CERS6: variants seen among roughly 807,000 people sequenced by gnomAD.
The protein encoded by CERS6 is LAG1 homolog, ceramide synthase 6.
CERS6 carries 26 observed loss-of-function variants against 56.8 expected under a neutral mutation model. The observed-to-expected ratio is 0.46, with a 90% confidence interval of 0.34 to 0.63. CERS6 has a LOEUF of 0.63. Ranked by LOEUF, CERS6 falls within the 30% of genes least tolerant of loss-of-function variation. The pLI, the probability that CERS6 is intolerant of heterozygous loss-of-function variation, is 0.01. For synonymous variants in CERS6, 164 were observed against 173.3 expected (o/e 0.95, Z 0.42); for missense variants, 415 against 467.5 (o/e 0.89, Z 1.04).
intron 1 of CERS6, among the ~76,000 whole-genome samples, chr2:168,491,632 C>CT (rs1403439106): frequency 3.3e-5 from 5 of 151,866 alleles, no homozygotes; most frequent in Non-Finnish European, 5.9e-5. Flanking sequence ...TCTAGCTTCT[C>CT]TTTTTTTTAA....
intron 1 of CERS6, among the ~76,000 whole-genome samples, chr2:168,477,534 T>C (rs1694101666): frequency 6.6e-6 from 1 of 152,244 alleles, no homozygotes; most frequent in African/African-American, 2.4e-5. Context: ...CATATATTTA[T>C]CATAATTTAA....
At chr2:168,648,082 G>C (rs543264448) in intron 4 of CERS6, among the ~76,000 whole-genome samples, 3 of 152,196 alleles carry the variant, frequency 2.0e-5, no homozygotes, top group South Asian at 4.2e-4. Flanking sequence ...AGTTTCTGTA[G>C]GAACGGTACC....
At chr2:168,464,581 G>A (rs1253934435) in intron 1 of CERS6, among the ~76,000 whole-genome samples, 2 of 151,826 alleles carry the variant, frequency 1.3e-5, no homozygotes, top group Non-Finnish European at 2.9e-5. Flanking sequence ...GGATGATGAA[G>A]TAACTGATAT....
intron 1 of CERS6, among the ~76,000 whole-genome samples, chr2:168,459,508 TG>T (rs1558957315): frequency 6.6e-6 from 1 of 152,258 alleles, no homozygotes; most frequent in Non-Finnish European, 1.5e-5. Context: ...CAATGACTTT[TG>T]GCTGAGTCTG....
chr2:168,698,116 C>T (rs1011059196), intron 6 of CERS6, among the ~76,000 whole-genome samples: 4 of 151,616 alleles, frequency 2.6e-5, no homozygotes, highest in Non-Finnish European at 5.9e-5. Context: ...AGCAACATGA[C>T]GAAACCCTGT....
intron 3 of CERS6, among the ~76,000 whole-genome samples, chr2:168,582,584 A>C (rs1407798085): frequency 3.3e-5 from 5 of 152,210 alleles, no homozygotes; most frequent in East Asian, 1.9e-4. Context: ...TGAAAAAAAA[A>C]CGCGTGCTAT....
In CERS6 at chr2:168,625,939, C is replaced by G. The variant is rs546092161; in HGVS notation, c.408-5046C>G. On this transcript the variant is annotated intron_variant, in intron 3 of 9. Transcript: ENST00000305747. ...TCAATTATGCAGCATCCACTAATAT[C>G]CACCAGGTTAGAAACATCATTTTAG... 2.6e-5 allele frequency among the ~76,000 whole-genome samples: 4 copies of G among 152,142 alleles called. No homozygotes were observed. In the South Asian group the frequency reaches 8.3e-4, roughly 32 times the overall value.
chr2:168,537,398 C>T (rs1158438167), intron 1 of CERS6, among the ~76,000 whole-genome samples: 1 of 152,182 alleles, frequency 6.6e-6, no homozygotes. Flanking sequence ...ATGACCATAT[C>T]ACAAATATTT....
intron 4 of CERS6, among the ~76,000 whole-genome samples, chr2:168,670,678 G>T (rs919845622): frequency 6.6e-6 from 1 of 152,068 alleles, no homozygotes; most frequent in African/African-American, 2.4e-5. Context: ...TTGCTCAAAG[G>T]TCACTACTTC....
chr2:168,761,347 A>G (rs183255768), intron 8 of CERS6, among the ~76,000 whole-genome samples: 75 of 152,342 alleles, frequency 4.9e-4, no homozygotes, highest in Non-Finnish European at 5.1e-4. Context: ...CATGTCGCCA[A>G]CGACTGTTCT....
At position 168,772,820 on chromosome 2, in the gene CERS6, A is replaced by G. The variant is rs1684901535; in HGVS notation, c.*3158A>G. The G allele has an allele frequency of 1.3e-5, 2 of 152,678 alleles. No homozygotes were observed. Among genetic ancestry groups the G allele is most frequent in the African/African-American group, 4.8e-5 (2 of 41,470 alleles). The allele number at this position is 152,678 out of a possible 1,614,324, so 9.5% of individuals were successfully genotyped here. Reference sequence around the variant, plus strand: ...CCTACTTCTGCTGGGCTGCATCATTATATAATGCCACAGGCATCTAGTCAA... The same window carrying G: ...CCTACTTCTGCTGGGCTGCATCATTGTATAATGCCACAGGCATCTAGTCAA... On this transcript the variant is annotated 3_prime_UTR_variant, in exon 10 of 10. Transcript: ENST00000305747.
intron 1 of CERS6, among the ~76,000 whole-genome samples, chr2:168,492,702 T>C (rs935003956): frequency 2.0e-5 from 3 of 152,216 alleles, no homozygotes; most frequent in Non-Finnish European, 4.4e-5. Flanking sequence ...GCCTATGTCC[T>C]GAATGGTATT....
chr2:168,657,796 GC>G (rs1685527330), intron 4 of CERS6, among the ~76,000 whole-genome samples: 1 of 152,232 alleles, frequency 6.6e-6, no homozygotes, highest in Non-Finnish European at 1.5e-5. Context: ...GCCGCACGCA[GC>G]CCCGGTTCCC....
At position 168,486,108 on chromosome 2, in the gene CERS6, T is replaced by C. The variant is rs557220577; in HGVS notation, c.170+29490T>C. Reference sequence around the variant, plus strand: ...TGCATTTTCTTAATGACATATGATATTGAACATCTTTTCATATGCTTACCA... The same window carrying C: ...TGCATTTTCTTAATGACATATGATACTGAACATCTTTTCATATGCTTACCA... On this transcript the variant is annotated intron_variant, in intron 1 of 9. Coordinates refer to ENST00000305747, the MANE Select transcript of CERS6 (RefSeq NM_203463.3). Among the ~76,000 whole-genome samples the C allele has an allele frequency of 7.9e-5, 12 of 152,298 alleles. No individual in the cohort carries two copies. In the East Asian group the frequency reaches 1.7e-3, roughly 22 times the overall value.
intron 3 of CERS6, among the ~76,000 whole-genome samples, chr2:168,581,552 CTA>C (rs1487028123): frequency 2.0e-5 from 3 of 152,060 alleles, no homozygotes; most frequent in African/African-American, 7.2e-5. Flanking sequence ...TCCCTTTTAA[CTA>C]TTTCTGTTTA....
At chr2:168,563,600 A>G (rs990038203) in intron 3 of CERS6, among the ~76,000 whole-genome samples, 2 of 152,178 alleles carry the variant, frequency 1.3e-5, no homozygotes, top group African/African-American at 2.4e-5. Flanking sequence ...GATCGAGACC[A>G]TCCTGGCTAA....
At chr2:168,505,973 G>C (rs2105347771) in intron 1 of CERS6, among the ~76,000 whole-genome samples, 1 of 152,280 alleles carries the variant, frequency 6.6e-6, no homozygotes, top group East Asian at 1.9e-4. Context: ...TTGGCAGAAG[G>C]CTCCTGAGCT....
chr2:168,748,437 T>C (rs1187167604), intron 8 of CERS6, among the ~76,000 whole-genome samples: 1 of 152,186 alleles, frequency 6.6e-6, no homozygotes, highest in African/African-American at 2.4e-5. Flanking sequence ...ATACTGTCTT[T>C]TGAGTATTGG....
At chr2:168,624,531 T>A (rs1460856107) in intron 3 of CERS6, among the ~76,000 whole-genome samples, 1 of 152,082 alleles carries the variant, frequency 6.6e-6, no homozygotes, top group Non-Finnish European at 1.5e-5. Flanking sequence ...TATGTAAGAC[T>A]CTTGTGATGG....
Sources: gnomAD v4.1 joint callset for allele counts (sites outside exome capture counted in the v4.1 genomes callset) on GRCh38, gnomAD v4.1.1 for gene constraint, MANE v1.5 for transcripts, NCBI Gene and HGNC (gene_info 2026-07-23, HGNC 2026-07-21) for gene names.